SEC23B: variants seen among roughly 807,000 people sequenced by gnomAD.
SEC23B encodes the protein SEC23 homolog B, COPII component.
Under a neutral mutation model 104.3 loss-of-function variants are expected in SEC23B, and 77 were observed. The ratio of observed to expected loss-of-function variants is 0.74; its 90% CI spans 0.61 to 0.89. The LOEUF is 0.89. SEC23B is among the 40% of genes least tolerant of loss of function. The pLI is 0.00. For missense variants in SEC23B, 885 were observed against 949.4 expected (o/e 0.93, Z 0.89); for synonymous variants, 338 against 332.5 (o/e 1.02, Z -0.18).
chr20:18,517,562 G>T (rs2060041056), intron 4 of SEC23B, among the ~76,000 whole-genome samples: 1 of 152,140 alleles, frequency 6.6e-6, no homozygotes, highest in Non-Finnish European at 1.5e-5. Context: ...TTCCTGTGTT[G>T]TTATATTAAT....
intron 4 of SEC23B, among the ~76,000 whole-genome samples, chr20:18,517,136 G>T (rs530039177): frequency 7.9e-5 from 12 of 152,102 alleles, no homozygotes; most frequent in African/African-American, 2.7e-4. Context: ...TCATGTGTCC[G>T]TGTGAAGAGA....
chr20:18,541,009 G>A (rs967698484), intron 12 of SEC23B, among the ~76,000 whole-genome samples: 2 of 152,252 alleles, frequency 1.3e-5, no homozygotes, highest in Non-Finnish European at 2.9e-5. Context: ...GTGGTTTAGT[G>A]TAGCCACCAC....
intron 4 of SEC23B, among the ~76,000 whole-genome samples, chr20:18,520,852 C>T (rs139279624): frequency 4.8e-4 from 73 of 152,006 alleles, no homozygotes; most frequent in Non-Finnish European, 9.0e-4. Flanking sequence ...GATCAGGCAG[C>T]GTCCGTCTTC....
rs2059988193 is a variant in SEC23B at position 18,512,285 on chromosome 20, ATG to A, written c.279+6_279+7del. ...ATTTCTGTTTTCAAAGAAATCAGGTATGTGAATTATTTTTAAAAAATGTTATA... is the reference window on the plus strand; with the variant it reads ...ATTTCTGTTTTCAAAGAAATCAGGTATGAATTATTTTTAAAAAATGTTATA... On this transcript the variant is annotated splice_donor_5th_base_variant and intron_variant, in intron 3 of 19. Coordinates refer to ENST00000650089, the MANE Select transcript of SEC23B (RefSeq NM_006363.6). 1 of 1,546,118 alleles carries A rather than the reference ATG, an allele frequency of 6.5e-7. No individual in the cohort carries two copies. Among genetic ancestry groups the A allele is most frequent in the African/African-American group, 1.4e-5 (1 of 73,634 alleles).
chr20:18,530,780 T>G lies in SEC23B; in HGVS notation c.1210T>G (p.Phe404Val). ...KDFNGDFRMA[F>V]GATLDVKTSR... is the part of the protein sequence containing the mutation. ...TTTTAATGGAGATTTCCGAATGGCATTTGGTGCTACTTTGGACGTAAAGGT... is the reference window on the plus strand; with the variant it reads ...TTTTAATGGAGATTTCCGAATGGCAGTTGGTGCTACTTTGGACGTAAAGGT... The change falls in exon 10 of 20, where the codon TTT becomes GTT. Residue 404 changes from phenylalanine (F) to valine (V), a missense_variant. By Grantham distance (50) the Phe-to-Val change is conservative. Transcript: ENST00000650089. 1 of 1,613,380 alleles carries G rather than the reference T, an allele frequency of 6.2e-7. No homozygotes were observed. Among genetic ancestry groups the G allele is most frequent in the South Asian group, 1.1e-5 (1 of 91,070 alleles).
intron 12 of SEC23B, among the ~76,000 whole-genome samples, chr20:18,537,942 T>C (rs1206152682): frequency 1.3e-5 from 2 of 151,512 alleles, no homozygotes; most frequent in Non-Finnish European, 2.9e-5. Context: ...CTTCTCTTTT[T>C]GTTTTTTTTT....
At chr20:18,520,600 A>G (rs1333929921) in intron 4 of SEC23B, among the ~76,000 whole-genome samples, 1 of 152,134 alleles carries the variant, frequency 6.6e-6, no homozygotes, top group African/African-American at 2.4e-5. Context: ...GAGGATAACT[A>G]AAAAGGAGTG....
At chr20:18,554,967 CAATTCTAATTAGATTACTGTGCAGTAAAA>C in intron 18 of SEC23B, 112 bp from the exon 19 acceptor site, 6 of 69,434 alleles carry the variant, frequency 8.6e-5, no homozygotes, top group Admixed American at 2.1e-4. Flanking sequence ...TGCAGTAAAA[CAATTCTAATTAGATTACTGTGCAGTAAAA>C]CAATTCTAAT....
At chr20:18,537,438 T>C (rs575765970) in intron 12 of SEC23B, among the ~76,000 whole-genome samples, 1,784 of 151,772 alleles carry the variant, frequency 0.012, 13 homozygotes, top group Non-Finnish European at 0.018. Flanking sequence ...ATGTCCTTTG[T>C]AGGGACATGG....
chr20:18,510,958 C>G lies in SEC23B; in HGVS notation c.123C>G (p.Leu41=). 6.2e-7 allele frequency: 1 copy of G among 1,614,158 alleles called. No individual in the cohort carries two copies. The highest frequency in any genetic ancestry group is 8.5e-7 in the Non-Finnish European group (1 of 1,180,016). Reference sequence around the variant, plus strand: ...GAATGGTTGTACCCCTGGCTTGTCTCCTTACTCCTTTGAAAGAACGTCCAG... The same window carrying G: ...GAATGGTTGTACCCCTGGCTTGTCTGCTTACTCCTTTGAAAGAACGTCCAG... The part of the protein sequence containing the change: ...ATRMVVPLAC[L]LTPLKERPDL... The change falls in exon 2 of 20, where the codon CTC becomes CTG. Residue 41 remains leucine, a synonymous_variant. Coordinates refer to ENST00000650089, the MANE Select transcript of SEC23B (RefSeq NM_006363.6).
intron 7 of SEC23B, 68 bp from the exon 8 acceptor site, chr20:18,526,305 T>G (rs1287471090): frequency 1.3e-6 from 2 of 1,549,234 alleles, no homozygotes; most frequent in Admixed American, 1.7e-5. Flanking sequence ...GTATTTCTAT[T>G]GGGAAACTGA....
At chr20:18,522,352 TC>T (rs2060091292) in intron 4 of SEC23B, among the ~76,000 whole-genome samples, 1 of 152,184 alleles carries the variant, frequency 6.6e-6, no homozygotes, top group Admixed American at 6.5e-5. Context: ...AAGGCTGTCT[TC>T]CTGAGTCCGT....
intron 19 of SEC23B, among the ~76,000 whole-genome samples, chr20:18,557,910 C>G (rs951853696): frequency 6.6e-6 from 1 of 151,874 alleles, no homozygotes; most frequent in Non-Finnish European, 1.5e-5. Flanking sequence ...CACCACCACG[C>G]CTGACTAATT....
intron 9 of SEC23B, 116 bp from the exon 10 acceptor site, chr20:18,530,564 C>T (rs1241299985): frequency 5.1e-6 from 6 of 1,179,538 alleles, no homozygotes; most frequent in Non-Finnish European, 5.9e-6. Context: ...TAATCAGTGG[C>T]TCTTTTGGGG....
intron 14 of SEC23B, among the ~76,000 whole-genome samples, chr20:18,544,834 A>G (rs1205917355): frequency 6.6e-6 from 1 of 152,182 alleles, no homozygotes; most frequent in Non-Finnish European, 1.5e-5. Context: ...TGAAATCAGG[A>G]TGTAAACTGA....
chr20:18,528,865 C>T (rs1363166662), intron 9 of SEC23B, among the ~76,000 whole-genome samples: 1 of 152,206 alleles, frequency 6.6e-6, no homozygotes, highest in Non-Finnish European at 1.5e-5. Context: ...ATCTGTTGCA[C>T]ACATGTGTTA....
Position 18,529,684 on chromosome 20 carries a change from A to G in SEC23B, c.1110-996A>G, listed in dbSNP as rs765779386. 7.9e-4 allele frequency among the ~76,000 whole-genome samples: 121 copies of G among 152,244 alleles called. 1 individual carries two copies. Among genetic ancestry groups the G allele is most frequent in the Non-Finnish European group, 2.4e-4 (16 of 68,050 alleles). ...CTCTTCCTGGAGGAACACACTCCAC[A>G]TATAAAGGACACAGCAATAGTCAGA... On this transcript the variant is annotated intron_variant, in intron 9 of 19. Transcript: ENST00000650089.
intron 9 of SEC23B, among the ~76,000 whole-genome samples, chr20:18,528,132 G>A (rs182643807): frequency 5.3e-5 from 8 of 152,280 alleles, no homozygotes; most frequent in Non-Finnish European, 7.3e-5. Flanking sequence ...GCAGCCTTAG[G>A]GGCTCCTGGG....
chr20:18,511,594 C>G (rs189195018), intron 2 of SEC23B, among the ~76,000 whole-genome samples: 29 of 151,652 alleles, frequency 1.9e-4, no homozygotes, highest in Admixed American at 3.3e-4. Flanking sequence ...TAGAGAGTGT[C>G]ATAAAATTTT....
Sources: allele counts gnomAD v4.1 joint callset (sites outside exome capture counted in the v4.1 genomes callset), GRCh38; gene constraint gnomAD v4.1.1; transcripts MANE v1.5; gene names NCBI Gene and HGNC (gene_info 2026-07-23, HGNC 2026-07-21).